The following NBEA variants were observed in gnomAD, a reference collection of about 807,000 sequenced individuals.
The protein encoded by NBEA is neurobeachin, also known as lysosomal-trafficking regulator 2.
In NBEA, 44 loss-of-function variants were observed where a neutral mutation model predicts 343.4. That is an observed-to-expected ratio of 0.13 (90% confidence interval 0.10 to 0.16). The LOEUF is 0.16. NBEA is among the 10% of genes least tolerant of loss of function. The pLI, the probability that NBEA is intolerant of heterozygous loss-of-function variation, is 1.00. For missense variants in NBEA, 2,555 were observed against 3,631.3 expected (o/e 0.70, Z 7.62); for synonymous variants, 1,175 against 1,238.7 (o/e 0.95, Z 1.08).
chr13:35,172,917 A>G (rs1334180275), intron 26 of NBEA, among the ~76,000 whole-genome samples: 1 of 152,096 alleles, frequency 6.6e-6, no homozygotes, highest in Non-Finnish European at 1.5e-5. Flanking sequence ...AAATAAAAAC[A>G]TGTACATATT....
intron 41 of NBEA, among the ~76,000 whole-genome samples, chr13:35,514,025 G>A (rs557940761): frequency 1.8e-4 from 27 of 151,566 alleles, no homozygotes; most frequent in South Asian, 1.7e-3. Flanking sequence ...ACATAAACCC[G>A]TTTCTAAAAC....
intron 1 of NBEA, among the ~76,000 whole-genome samples, chr13:35,024,431 G>T (rs1411599604): frequency 6.6e-6 from 1 of 152,022 alleles, no homozygotes; most frequent in African/African-American, 2.4e-5. Flanking sequence ...CAGCACCTTG[G>T]AAGGCCAAGG....
At chr13:35,115,537 C>T (rs2066451033) in intron 13 of NBEA, among the ~76,000 whole-genome samples, 1 of 151,954 alleles carries the variant, frequency 6.6e-6, no homozygotes, top group South Asian at 2.1e-4. Flanking sequence ...TTTACTCTTG[C>T]TATTTATGTA....
chr13:35,539,675 G>A (rs889474987), intron 41 of NBEA, among the ~76,000 whole-genome samples: 2 of 144,480 alleles, frequency 1.4e-5, no homozygotes, highest in Admixed American at 1.4e-4. Flanking sequence ...CCAGCACTTT[G>A]GGAGGCTGAG....
intron 8 of NBEA, among the ~76,000 whole-genome samples, chr13:35,068,824 T>C (rs1033215072): frequency 5.9e-5 from 9 of 152,160 alleles, no homozygotes; most frequent in Admixed American, 1.3e-4. Context: ...TTGAAAAATA[T>C]GGAAGAACTA....
At chr13:35,441,127 G>A (rs1237139946) in intron 39 of NBEA, among the ~76,000 whole-genome samples, 11 of 151,840 alleles carry the variant, frequency 7.2e-5, no homozygotes, top group Non-Finnish European at 1.6e-4. Flanking sequence ...ATGTCTCTGG[G>A]CCAATTGTTT....
At chr13:35,117,189 T>C (rs1230265843) in intron 13 of NBEA, among the ~76,000 whole-genome samples, 1 of 151,824 alleles carries the variant, frequency 6.6e-6, no homozygotes, top group East Asian at 1.9e-4. Flanking sequence ...AAAAGTTCTT[T>C]TTTCCACAAA....
chr13:34,977,734 T>A (rs2060228278), intron 1 of NBEA, among the ~76,000 whole-genome samples: 1 of 152,216 alleles, frequency 6.6e-6, no homozygotes, highest in Non-Finnish European at 1.5e-5. Flanking sequence ...GGTTCAGGAT[T>A]TTGTTTCACA....
intron 18 of NBEA, among the ~76,000 whole-genome samples, chr13:35,148,962 A>G (rs2068603160): frequency 6.6e-6 from 1 of 152,170 alleles, no homozygotes; most frequent in African/African-American, 2.4e-5. Flanking sequence ...CTATAATATT[A>G]CTTTTAACTA....
chr13:35,445,782 TTA>T (rs71081255), intron 39 of NBEA, among the ~76,000 whole-genome samples: 17,085 of 111,912 alleles, frequency 0.15, 1,118 homozygotes, highest in Non-Finnish European at 0.2. Flanking sequence ...ATATAAATGT[TTA>T]TATATATATA....
At chr13:35,589,785 A>G (rs1225821685) in intron 46 of NBEA, among the ~76,000 whole-genome samples, 2 of 152,122 alleles carry the variant, frequency 1.3e-5, no homozygotes, top group Non-Finnish European at 2.9e-5. Flanking sequence ...GATAGAATAC[A>G]GAAGGACAGG....
At chr13:35,426,262 G>T (rs1235449197) in intron 38 of NBEA, among the ~76,000 whole-genome samples, 2 of 152,118 alleles carry the variant, frequency 1.3e-5, no homozygotes, top group Non-Finnish European at 2.9e-5. Flanking sequence ...TTACAATTTG[G>T]CATGTTTTTG....
intron 36 of NBEA, among the ~76,000 whole-genome samples, chr13:35,327,306 A>G (rs1324165349): frequency 6.6e-6 from 1 of 152,082 alleles, no homozygotes; most frequent in African/African-American, 2.4e-5. Flanking sequence ...AAATTGTTCT[A>G]CCAAGAAAAC....
chr13:35,190,766 G>A (rs1017921875), intron 30 of NBEA, among the ~76,000 whole-genome samples: 66 of 152,124 alleles, frequency 4.3e-4, no homozygotes, highest in Non-Finnish European at 9.3e-4. Flanking sequence ...TCAATACACA[G>A]GGGGAACAAA....
At chr13:35,035,197 G>GT (rs2062393575) in intron 1 of NBEA, among the ~76,000 whole-genome samples, 1 of 151,622 alleles carries the variant, frequency 6.6e-6, no homozygotes, top group Non-Finnish European at 1.5e-5. Flanking sequence ...TATCCCATAG[G>GT]TTTTGGTATG....
At chr13:35,638,431 G>A (rs2083794643) in intron 49 of NBEA, among the ~76,000 whole-genome samples, 1 of 152,206 alleles carries the variant, frequency 6.6e-6, no homozygotes, top group Admixed American at 6.5e-5. Flanking sequence ...CAAGAGCTGT[G>A]GCCTTAGGTA....
chr13:35,058,981 A>G (rs2063365929), intron 8 of NBEA, 118 bp downstream of exon 8: 1 of 863,892 alleles, frequency 1.2e-6, no homozygotes, highest in Admixed American at 3.9e-5. Flanking sequence ...ATTTTTTGGA[A>G]TGTAGTCAAG....
At chr13:35,547,480 A>G (rs530224488) in intron 41 of NBEA, among the ~76,000 whole-genome samples, 32 of 152,332 alleles carry the variant, frequency 2.1e-4, no homozygotes, top group Non-Finnish European at 3.8e-4. Context: ...GGATCCAGTC[A>G]GGGGAGAGGA....
intron 33 of NBEA, among the ~76,000 whole-genome samples, chr13:35,223,940 T>C: frequency 6.6e-6 from 1 of 152,186 alleles, no homozygotes; most frequent in East Asian, 1.9e-4. Flanking sequence ...CTCAGGTTAT[T>C]AGCATAATTC....
Sources: allele counts gnomAD v4.1 joint callset (sites outside exome capture counted in the v4.1 genomes callset), GRCh38; gene constraint gnomAD v4.1.1; transcripts MANE v1.5; gene names NCBI Gene and HGNC (gene_info 2026-07-23, HGNC 2026-07-21).